SNTG1: variants seen among roughly 807,000 people sequenced by gnomAD.
SNTG1 encodes gamma-1-syntrophin.
A neutral mutation model predicts 74.7 loss-of-function variants in SNTG1; 39 were observed. That is an observed-to-expected ratio of 0.52 (90% CI 0.40 to 0.68). The LOEUF is 0.68. SNTG1 is among the 30% of genes least tolerant of loss of function. The pLI is 0.00. For missense variants in SNTG1, 685 were observed against 609.5 expected (o/e 1.12, Z -1.30); for synonymous variants, 254 against 217.1 (o/e 1.17, Z -1.49).
At chr8:50,095,584 T>TC (rs1466210337) in intron 1 of SNTG1, among the ~76,000 whole-genome samples, 1 of 152,210 alleles carries the variant, frequency 6.6e-6, no homozygotes, top group East Asian at 1.9e-4. Context: ...TGTTTTTTTT[T>TC]CTGTGTGCAA....
intron 12 of SNTG1, among the ~76,000 whole-genome samples, chr8:50,554,104 G>C (rs73585184): frequency 4.0e-4 from 61 of 152,210 alleles, no homozygotes; most frequent in East Asian, 3.7e-3. Flanking sequence ...CTTGCACAGA[G>C]TAGACTTTGC....
At chr8:50,376,204 A>G (rs935823817) in intron 2 of SNTG1, among the ~76,000 whole-genome samples, 2 of 152,196 alleles carry the variant, frequency 1.3e-5, no homozygotes, top group African/African-American at 4.8e-5. Flanking sequence ...ATTTGGGGGC[A>G]ACATATTCTG....
chr8:50,669,722 G>T (rs1234457985), intron 15 of SNTG1, among the ~76,000 whole-genome samples: 1 of 152,132 alleles, frequency 6.6e-6, no homozygotes, highest in Non-Finnish European at 1.5e-5. Flanking sequence ...ACAAAAGCCT[G>T]GCAGAGACAC....
intron 1 of SNTG1, among the ~76,000 whole-genome samples, chr8:50,055,702 C>G (rs780975141): frequency 1.3e-5 from 2 of 152,042 alleles, no homozygotes; most frequent in Non-Finnish European, 2.9e-5. Context: ...TTTCTCAGTA[C>G]CTCTCCCCTC....
chr8:50,760,035 AG>A (rs2095593597), intron 18 of SNTG1, among the ~76,000 whole-genome samples: 1 of 152,080 alleles, frequency 6.6e-6, no homozygotes, highest in African/African-American at 2.4e-5. Flanking sequence ...AGTGGTTTGT[AG>A]TTCTCCTTGA....
At chr8:50,064,505 A>C (rs1820743460) in intron 1 of SNTG1, among the ~76,000 whole-genome samples, 1 of 152,138 alleles carries the variant, frequency 6.6e-6, no homozygotes, top group African/African-American at 2.4e-5. Flanking sequence ...CCACCACACC[A>C]CAATCCTTCA....
At chr8:50,136,132 A>G (rs12545263) in intron 1 of SNTG1, among the ~76,000 whole-genome samples, 31,136 of 152,050 alleles carry the variant, frequency 0.2, 3,317 homozygotes, top group South Asian at 0.37. Flanking sequence ...TATGTACCAC[A>G]TTTTCTTTAA....
rs535889004 is a variant in SNTG1 at position 50,097,411 on chromosome 8, AGAG to A, written c.-102-75149_-102-75147del. On this transcript the variant is annotated intron_variant, in intron 1 of 18. Coordinates refer to ENST00000642720, the MANE Select transcript of SNTG1 (RefSeq NM_018967.5). Reference sequence around the variant, plus strand: ...AAATTATTTCTTTCTTGTAGTTTTTAGAGTAGTGTCAACCACACTCACAATCAC... The same window carrying A: ...AAATTATTTCTTTCTTGTAGTTTTTATAGTGTCAACCACACTCACAATCAC... 5.2e-3 allele frequency among the ~76,000 whole-genome samples: 797 copies of A among 152,318 alleles called. 4 individuals carry two copies. Among genetic ancestry groups the A allele is most frequent in the Middle Eastern group, 0.041 (12 of 294 alleles).
chr8:49,991,166 A>G (rs1290469913), intron 1 of SNTG1, among the ~76,000 whole-genome samples: 2 of 152,174 alleles, frequency 1.3e-5, no homozygotes, highest in African/African-American at 4.8e-5. Flanking sequence ...AGGTATGCAA[A>G]TCAACAATAA....
intron 9 of SNTG1, among the ~76,000 whole-genome samples, chr8:50,505,153 A>C (rs536259498): frequency 6.6e-6 from 1 of 152,270 alleles, no homozygotes; most frequent in South Asian, 2.1e-4. Context: ...ATGTTGTAGA[A>C]TAGGACAAAA....
intron 4 of SNTG1, among the ~76,000 whole-genome samples, chr8:50,431,147 AT>A (rs2093230756): frequency 1.3e-5 from 2 of 152,208 alleles, no homozygotes. Flanking sequence ...ATTTTTAGAC[AT>A]TTGCATACAT....
At chr8:50,483,545 G>T (rs2093758069) in intron 8 of SNTG1, among the ~76,000 whole-genome samples, 1 of 151,844 alleles carries the variant, frequency 6.6e-6, no homozygotes, top group African/African-American at 2.4e-5. Flanking sequence ...TGCTGCTAAT[G>T]GTATCAGGGT....
chr8:50,118,292 T>A (rs934187384), intron 1 of SNTG1, among the ~76,000 whole-genome samples: 1 of 150,174 alleles, frequency 6.7e-6, no homozygotes, highest in African/African-American at 2.5e-5. Flanking sequence ...ACAGTTCATT[T>A]TTCCCCTTCA....
chr8:49,996,588 T>G (rs1814241608), intron 1 of SNTG1, among the ~76,000 whole-genome samples: 1 of 152,158 alleles, frequency 6.6e-6, no homozygotes, highest in African/African-American at 2.4e-5. Context: ...CTTAAAATAC[T>G]ACACATTAAA....
Position 50,285,679 on chromosome 8 carries a change from A to T in SNTG1, c.-27-108533A>T, listed in dbSNP as rs1027765348. ...ACAGATAAATGACTAAATTGAGTTC[A>T]TCAATAAAAATGGCGACTTCTGGAC... is the stretch of plus-strand genomic sequence containing the variant. On this transcript the variant is annotated intron_variant, in intron 2 of 18. Transcript: ENST00000642720. 5.9e-5 allele frequency among the ~76,000 whole-genome samples: 9 copies of T among 152,182 alleles called. No individual in the cohort carries two copies. The South Asian group carries it at 6.2e-4, about 11-fold the overall frequency.
intron 2 of SNTG1, among the ~76,000 whole-genome samples, chr8:50,377,717 C>T (rs1200112057): frequency 6.6e-6 from 1 of 152,012 alleles, no homozygotes; most frequent in African/African-American, 2.4e-5. Flanking sequence ...ACATAATTGC[C>T]TAATATTAAT....
At chr8:50,579,300 A>C (rs2094595093) in intron 12 of SNTG1, among the ~76,000 whole-genome samples, 1 of 152,140 alleles carries the variant, frequency 6.6e-6, no homozygotes, top group Admixed American at 6.5e-5. Flanking sequence ...TATCTGATGG[A>C]AGAAATTTCT....
At chr8:50,626,423 C>T (rs781074823) in intron 13 of SNTG1, among the ~76,000 whole-genome samples, 5 of 152,142 alleles carry the variant, frequency 3.3e-5, no homozygotes, top group Non-Finnish European at 5.9e-5. Context: ...GAAATAAAGA[C>T]ACACACAGAA....
chr8:50,268,882 C>G (rs1263164672), intron 2 of SNTG1, among the ~76,000 whole-genome samples: 1 of 152,166 alleles, frequency 6.6e-6, no homozygotes, highest in East Asian at 1.9e-4. Flanking sequence ...TGGCCTCAAA[C>G]TCCTGGCCTC....
Sources: gnomAD v4.1 joint callset for allele counts (sites outside exome capture counted in the v4.1 genomes callset) on GRCh38, gnomAD v4.1.1 for gene constraint, MANE v1.5 for transcripts, NCBI Gene and HGNC (gene_info 2026-07-23, HGNC 2026-07-21) for gene names.